POLK: variants seen among roughly 807,000 people sequenced by gnomAD.
POLK encodes the protein DNA polymerase kappa.
In POLK, 76 loss-of-function variants were observed where a neutral mutation model predicts 94.0. That is an observed-to-expected ratio of 0.81 (90% confidence interval 0.67 to 0.98). The LOEUF is 0.98. POLK is among the 50% of genes least tolerant of loss of function. The pLI, the probability that POLK is intolerant of heterozygous loss-of-function variation, is 0.00. For synonymous variants in POLK, 349 were observed against 325.4 expected (o/e 1.07, Z -0.78); for missense variants, 954 against 1,010.1 (o/e 0.94, Z 0.75).
chr5:75,545,034 G>C (rs1385464260), intron 1 of POLK, among the ~76,000 whole-genome samples: 1 of 152,124 alleles, frequency 6.6e-6, no homozygotes, highest in Admixed American at 6.5e-5. Context: ...TCTACTCCCA[G>C]ACCTTCTGAT....
intron 7 of POLK, chr5:75,582,023 T>G (rs1335484668): frequency 1.0e-6 from 1 of 985,208 alleles, no homozygotes; most frequent in Non-Finnish European, 1.2e-6. Flanking sequence ...AAATATATTT[T>G]TATTGGTTTT....
intron 3 of POLK, among the ~76,000 whole-genome samples, chr5:75,563,694 G>A (rs770348660): frequency 5.3e-5 from 8 of 152,106 alleles, no homozygotes; most frequent in East Asian, 1.9e-4. Context: ...CAGTTTCCAC[G>A]TAGTTGTGCA....
At chr5:75,597,529 A>G in intron 13 of POLK, 1 of 420,778 alleles carries the variant, frequency 2.4e-6, no homozygotes, top group Non-Finnish European at 4.2e-6. Flanking sequence ...ATTTTTTGGT[A>G]GTGCTGACTC....
chr5:75,596,696 A>C (rs1218613764), exon 13 of POLK: 8 of 1,613,824 alleles, frequency 5.0e-6, no homozygotes, highest in Non-Finnish European at 6.8e-6. Context: ...TCTGCTACCA[A>C]AGTTAACAAG....
intron 1 of POLK, among the ~76,000 whole-genome samples, chr5:75,516,413 C>G (rs2112520137): frequency 6.6e-6 from 1 of 151,546 alleles, no homozygotes; most frequent in Admixed American, 6.6e-5. Context: ...GGAGACCCTA[C>G]TTTTGCAAAA....
chr5:75,530,507 C>T (rs559625323), intron 1 of POLK, among the ~76,000 whole-genome samples: 34 of 145,780 alleles, frequency 2.3e-4, no homozygotes, highest in Non-Finnish European at 4.8e-4. Flanking sequence ...CAGGTTCAAG[C>T]GACTCTGTCA....
chr5:75,546,815 GCCGTCATGC>G (rs1458212135), intron 1 of POLK, among the ~76,000 whole-genome samples, 186 bp from the exon 2 acceptor site: 1 of 152,072 alleles, frequency 6.6e-6, no homozygotes, highest in Non-Finnish European at 1.5e-5. Flanking sequence ...ACAGGCGCAT[GCCGTCATGC>G]CTGGCTAATT....
At chr5:75,515,937 G>A (rs1266670586) in intron 1 of POLK, among the ~76,000 whole-genome samples, 1 of 152,194 alleles carries the variant, frequency 6.6e-6, no homozygotes, top group Non-Finnish European at 1.5e-5. Flanking sequence ...ACTGGGGTAA[G>A]ATGATAGCTC....
chr5:75,598,179 C>A, exon 15 of POLK: 1 of 380,748 alleles, frequency 2.6e-6, no homozygotes, highest in Non-Finnish European at 4.8e-6. Flanking sequence ...TATACTGATT[C>A]TGTGTATCTT....
intron 8 of POLK, 39 bp from the exon 9 acceptor site, chr5:75,584,720 CT>C: frequency 8.4e-7 from 1 of 1,192,504 alleles, no homozygotes; most frequent in South Asian, 1.6e-5. Context: ...TTTAGCTTCA[CT>C]TTAAAATCTA....
At chr5:75,543,765 A>G (rs1365416340) in intron 1 of POLK, among the ~76,000 whole-genome samples, 1 of 152,198 alleles carries the variant, frequency 6.6e-6, no homozygotes, top group Non-Finnish European at 1.5e-5. Flanking sequence ...GCCTTGTCCC[A>G]GGATTGCCCA....
chr5:75,577,917 G>A (rs1247976780), intron 6 of POLK, among the ~76,000 whole-genome samples: 1 of 152,126 alleles, frequency 6.6e-6, no homozygotes, highest in African/African-American at 2.4e-5. Flanking sequence ...CACAGGCACA[G>A]AGCAAAAGGT....
chr5:75,533,787 A>G (rs974973817), intron 1 of POLK, among the ~76,000 whole-genome samples: 5 of 152,052 alleles, frequency 3.3e-5, no homozygotes, highest in African/African-American at 9.7e-5. Flanking sequence ...TTTAATTCTC[A>G]TTGTAGAGCT....
chr5:75,552,337 G>T, intron 2 of POLK, 135 bp from the exon 3 acceptor site: 1 of 685,610 alleles, frequency 1.5e-6, no homozygotes, highest in Admixed American at 3.4e-5. Flanking sequence ...GGGTCACCTA[G>T]CTAGTAAGTA....
chr5:75,511,773 G>C, exon 1 of POLK: 2 of 1,551,494 alleles, frequency 1.3e-6, no homozygotes, highest in Non-Finnish European at 1.7e-6. Flanking sequence ...GGCTCTCCCG[G>C]GTGACGACGG....
intron 1 of POLK, among the ~76,000 whole-genome samples, chr5:75,532,202 T>C (rs769363146): frequency 6.6e-6 from 1 of 152,218 alleles, no homozygotes; most frequent in Admixed American, 6.5e-5. Flanking sequence ...ATAAGCATAG[T>C]ACCTGATATG....
intron 5 of POLK, among the ~76,000 whole-genome samples, 184 bp from the exon 6 acceptor site, chr5:75,576,596 A>G (rs1771883871): frequency 6.6e-6 from 1 of 152,190 alleles, no homozygotes; most frequent in African/African-American, 2.4e-5. Context: ...ATTTTAATAC[A>G]AAAGGAAATT....
chr5:75,537,981 C>T (rs1354865805), intron 1 of POLK, among the ~76,000 whole-genome samples: 4 of 151,970 alleles, frequency 2.6e-5, no homozygotes, highest in Admixed American at 6.6e-5. Context: ...CTCAGCCGCC[C>T]GAGTAGCTGG....
chr5:75,601,203 C>T (rs914401979), downstream of POLK: 3 of 152,148 alleles, frequency 2.0e-5, no homozygotes, highest in African/African-American at 4.8e-5. Flanking sequence ...TAATTTCAAT[C>T]GAGAAAAAAA....
Sources: allele counts gnomAD v4.1 joint callset (sites outside exome capture counted in the v4.1 genomes callset), GRCh38; gene constraint gnomAD v4.1.1; transcripts MANE v1.5; gene names NCBI Gene and HGNC (gene_info 2026-07-23, HGNC 2026-07-21).